PLA2R1: variants seen among roughly 807,000 people sequenced by gnomAD.
PLA2R1 encodes secretory phospholipase A2 receptor.
PLA2R1 carries 158 observed loss-of-function variants against 195.9 expected under a neutral mutation model. The observed-to-expected ratio is 0.81, with a 90% confidence interval of 0.71 to 0.92. The LOEUF (loss-of-function observed/expected upper bound fraction) is 0.92. Ranked by LOEUF, PLA2R1 falls within the 40% of genes least tolerant of loss-of-function variation. PLA2R1 has a pLI of 0.00. For synonymous variants in PLA2R1, 586 were observed against 598.2 expected, an observed-to-expected ratio of 0.98 and a Z score of 0.30; for missense variants, 1,626 against 1,764.6, an observed-to-expected ratio of 0.92 and a Z score of 1.41.
rs550809449 is a variant in PLA2R1 at position 160,004,459 on chromosome 2, T to C, written c.1834+1193A>G. ...TTGTGTGGCCACTTTTATATTTTAG[T>C]GTGAGGCCACACTAAAGGGGAGATA... On this transcript the variant is annotated intron_variant, in intron 11 of 29. Transcript: ENST00000283243. Among the ~76,000 whole-genome samples the C allele has an allele frequency of 4.5e-3, 685 of 152,226 alleles. 2 individuals are homozygous for C. Among genetic ancestry groups the C allele is most frequent in the Non-Finnish European group, 7.0e-3 (476 of 68,012 alleles).
At chr2:160,029,006 T>TA in intron 4 of PLA2R1, 43 bp from the exon 5 acceptor site, 4 of 1,045,894 alleles carry the variant, frequency 3.8e-6, no homozygotes, top group Non-Finnish European at 6.0e-6. Context: ...AATCCAGTGT[T>TA]ACACATCTTT....
At chr2:160,046,732 G>A (rs1422419320) in intron 1 of PLA2R1, among the ~76,000 whole-genome samples, 1 of 152,066 alleles carries the variant, frequency 6.6e-6, no homozygotes, top group Admixed American at 6.5e-5. Flanking sequence ...AGAGGGGGTG[G>A]GGTGGGGAAA....
At chr2:160,044,390 C>T (rs191184043) in intron 2 of PLA2R1, among the ~76,000 whole-genome samples, 109 of 152,166 alleles carry the variant, frequency 7.2e-4, no homozygotes, top group African/African-American at 2.1e-3. Flanking sequence ...AGAGAAATGG[C>T]GGCAGGGGAG....
At chr2:160,015,441 T>C (rs1189948080) in intron 9 of PLA2R1, among the ~76,000 whole-genome samples, 2 of 152,232 alleles carry the variant, frequency 1.3e-5, no homozygotes, top group African/African-American at 2.4e-5. Context: ...GAATTGGCTA[T>C]GAACTCAGAA....
At chr2:160,043,585 G>A (rs3792196) in intron 2 of PLA2R1, among the ~76,000 whole-genome samples, 14,130 of 152,150 alleles carry the variant, frequency 0.093, 934 homozygotes, top group East Asian at 0.25. Flanking sequence ...TTTAGGAACC[G>A]TAGGTATTTC....
chr2:159,976,459 C>A (rs185020083), intron 16 of PLA2R1, among the ~76,000 whole-genome samples: 15 of 152,172 alleles, frequency 9.9e-5, no homozygotes, highest in African/African-American at 3.1e-4. Flanking sequence ...GGGATAGGTA[C>A]ATATTCTAAA....
intron 8 of PLA2R1, 54 bp from the exon 9 acceptor site, chr2:160,016,766 G>T: frequency 1.3e-6 from 1 of 778,414 alleles, no homozygotes; most frequent in Non-Finnish European, 2.2e-6. Flanking sequence ...GATACCGATG[G>T]GCAATAGCAA....
chr2:159,965,760 G>A (rs1205795512), intron 20 of PLA2R1, among the ~76,000 whole-genome samples: 2 of 152,186 alleles, frequency 1.3e-5, no homozygotes, highest in African/African-American at 4.8e-5. Flanking sequence ...ATTCCCACCA[G>A]GAGTGAATGA....
At chr2:159,955,137 C>G in intron 23 of PLA2R1, 62 bp downstream of exon 23, 1 of 1,327,466 alleles carries the variant, frequency 7.5e-7, no homozygotes, top group South Asian at 1.3e-5. Context: ...TGTGTAAAAC[C>G]AACATGAAAG....
rs1217120921 is a variant in PLA2R1 at position 159,977,276 on chromosome 2, A to G, written c.2401+8T>C. 3 of 1,605,902 alleles carry G rather than the reference A, an allele frequency of 1.9e-6. No individual in the cohort carries two copies. The highest frequency in any genetic ancestry group is 2.2e-5 in the East Asian group (1 of 44,776). The stretch of plus-strand genomic sequence containing the variant: ...AACATATAGCAAAGATCTTACTACT[A>G]TTTTTACCTCTTGGGATTTTGCATA... On this transcript the variant is annotated splice_region_variant and intron_variant, in intron 15 of 29. Coordinates refer to ENST00000283243, the MANE Select transcript of PLA2R1 (RefSeq NM_007366.5).
At position 159,934,118 on chromosome 2, in the gene PLA2R1, A is replaced by G. The variant is rs796730115; in HGVS notation, c.*7660T>C. ...TCACTACAGTCAAAGTTTCTTATAAATGTTGGCAATAAGAATTATGATGTA... is the reference window on the plus strand; with the variant it reads ...TCACTACAGTCAAAGTTTCTTATAAGTGTTGGCAATAAGAATTATGATGTA... On this transcript the variant is annotated 3_prime_UTR_variant, in exon 30 of 30. Coordinates refer to ENST00000283243, the MANE Select transcript of PLA2R1 (RefSeq NM_007366.5). 8.5e-5 allele frequency: 13 copies of G among 152,368 alleles called. No homozygotes were observed. The highest frequency in any genetic ancestry group is 2.6e-4 in the African/African-American group (11 of 41,590). 9.4% of individuals were successfully genotyped at this position (152,368 alleles called of 1,614,324 possible). A position where few individuals can be genotyped will look rare whatever the true frequency, so the allele number is the denominator to read the frequency against.
At position 159,976,215 on chromosome 2, in the gene PLA2R1, C is replaced by A. The variant is rs746699810; in HGVS notation, c.2448G>T (p.Trp816Cys). 3 of 1,603,944 alleles carry A rather than the reference C, an allele frequency of 1.9e-6. No individual in the cohort carries two copies. The highest frequency in any genetic ancestry group is 2.2e-5 in the East Asian group (1 of 44,568). Residue 816 changes from tryptophan to cysteine, a missense_variant, in exon 17 of 30, where the codon TGG (tryptophan) becomes TGT (cysteine). Coordinates refer to ENST00000283243, the MANE Select transcript of PLA2R1 (RefSeq NM_007366.5). ...IPFWYQYDVP[W>C]LFYQDAEYLF... The stretch of plus-strand genomic sequence containing the variant: ...GGTATTCTGCATCCTGATAAAAGAG[C>A]CAGGGTACATCTGAAAAAGAAACAG...
At chr2:160,055,251 A>C (rs1695461175) in intron 1 of PLA2R1, among the ~76,000 whole-genome samples, 1 of 152,194 alleles carries the variant, frequency 6.6e-6, no homozygotes, top group Admixed American at 6.5e-5. Context: ...GAAAAGTATG[A>C]AGGGGAAGAA....
In PLA2R1 at chr2:159,969,330, T is replaced by C; in HGVS notation, c.2690A>G (p.Gln897Arg). 1.2e-6 allele frequency: 2 copies of C among 1,605,674 alleles called. No homozygotes were observed. Among genetic ancestry groups the C allele is most frequent in the South Asian group, 2.2e-5 (2 of 90,826 alleles). The change falls in exon 19 of 30, where the codon CAG (glutamine) becomes CGG (arginine). Residue 897 changes from glutamine (Q) to arginine (R), a missense_variant. Physicochemically the swap from Gln to Arg is conservative, Grantham distance 43. Transcript: ENST00000283243. ...TCTTTCTCTTCCTGTGTCCCAGTTC[T>C]GGTATATCACTGGTGTTCCATCTCT... The part of the protein sequence containing the change: ...RWRDGTPVIY[Q>R]NWDTGRERTV...
chr2:159,987,067 G>A (rs566529572), intron 12 of PLA2R1, 89 bp downstream of exon 12: 39 of 981,782 alleles, frequency 4.0e-5, no homozygotes, highest in Non-Finnish European at 5.9e-5. Flanking sequence ...GAAAAAAAAA[G>A]GGCCCCGGAA....
At chr2:159,926,809 AC>A in the PLA2R1 span, among the ~76,000 whole-genome samples, 46 of 151,970 alleles carry the variant, frequency 3.0e-4, no homozygotes, top group Non-Finnish European at 5.7e-4. Context: ...AGCCTTCACC[AC>A]CCCAGGCCTG....
downstream of PLA2R1, among the ~76,000 whole-genome samples, chr2:159,929,194 C>T (rs774544744): frequency 6.6e-6 from 1 of 152,142 alleles, no homozygotes; most frequent in Non-Finnish European, 1.5e-5. Context: ...GCAAAAGAAA[C>T]AATCAGCAGA....
chr2:160,009,202 T>TAGGC (rs1333972538), intron 10 of PLA2R1, among the ~76,000 whole-genome samples: 1 of 152,240 alleles, frequency 6.6e-6, no homozygotes, highest in Non-Finnish European at 1.5e-5. Flanking sequence ...ATTTCACTTA[T>TAGGC]AGGCATACAT....
At chr2:160,046,487 G>A (rs2247113) in intron 1 of PLA2R1, among the ~76,000 whole-genome samples, 2,329 of 152,258 alleles carry the variant, frequency 0.015, 71 homozygotes, top group African/African-American at 0.053. Context: ...ATCCACGAGG[G>A]AACAATGCTT....
Sources: gnomAD v4.1 joint callset for allele counts (sites outside exome capture counted in the v4.1 genomes callset) on GRCh38, gnomAD v4.1.1 for gene constraint, MANE v1.5 for transcripts, NCBI Gene and HGNC (gene_info 2026-07-23, HGNC 2026-07-21) for gene names.